SDK1: variants seen among roughly 807,000 people sequenced by gnomAD.
SDK1 encodes sidekick cell adhesion molecule 1.
In SDK1, 157 loss-of-function variants were observed where a neutral mutation model predicts 245.5. The observed-to-expected ratio is 0.64, with a 90% confidence interval of 0.56 to 0.73. The LOEUF is 0.73. Among genes scored for constraint, SDK1 ranks in the 30% least tolerant of loss-of-function variants. The probability of loss-of-function intolerance (pLI) is 0.00; values close to 1 mark genes in which losing one functional copy is unlikely to be tolerated. For synonymous variants in SDK1, 1,647 were observed against 1,278.5 expected (o/e 1.29, Z -6.15); for missense variants, 3,583 against 3,002.3 (o/e 1.19, Z -4.52).
At chr7:3,853,721 T>G (rs1236965790) in intron 5 of SDK1, among the ~76,000 whole-genome samples, 1 of 152,110 alleles carries the variant, frequency 6.6e-6, no homozygotes, top group East Asian at 1.9e-4. Flanking sequence ...TCTGGCACAG[T>G]GGCTCAGGTC....
intron 1 of SDK1, among the ~76,000 whole-genome samples, chr7:3,463,400 G>A (rs1311786373): frequency 1.3e-5 from 2 of 152,126 alleles, no homozygotes; most frequent in East Asian, 3.8e-4. Context: ...TGAGTTTTGA[G>A]CCCTGCACTT....
Position 4,206,045 on chromosome 7 carries a change from G to A in SDK1, c.5214+51G>A, listed in dbSNP as rs375199711. 1.1e-3 allele frequency: 1,381 copies of A among 1,210,404 alleles called. 4 individuals carry two copies. The highest frequency in any genetic ancestry group is 1.2e-3 in the Non-Finnish European group (1,073 of 863,890). 75.0% of individuals were successfully genotyped at this position (1,210,404 alleles called of 1,614,324 possible). On this transcript the variant is annotated intron_variant, in intron 36 of 44. Coordinates refer to ENST00000404826, the MANE Select transcript of SDK1 (RefSeq NM_152744.4). Reference sequence around the variant, plus strand: ...CCCCTGGCTCGCTTGGGCACCCCTCGTTCACGTGGTCCTGCCTACTGCATT... The same window carrying A: ...CCCCTGGCTCGCTTGGGCACCCCTCATTCACGTGGTCCTGCCTACTGCATT...
At chr7:3,507,722 C>T (rs1392789521) in intron 1 of SDK1, among the ~76,000 whole-genome samples, 1 of 152,188 alleles carries the variant, frequency 6.6e-6, no homozygotes, top group Non-Finnish European at 1.5e-5. Flanking sequence ...CTCTCCCTTT[C>T]TCCTGCATGG....
At position 3,691,376 on chromosome 7, in the gene SDK1, C is replaced by A. The variant is rs940000327; in HGVS notation, c.713+49271C>A. The stretch of plus-strand genomic sequence containing the variant: ...GCTTAATTTTGGATCACAGTGGACC[C>A]CTCCCTCCACTTCAGCTGTGGAAAT... On this transcript the variant is annotated intron_variant, in intron 4 of 44. Transcript: ENST00000404826. 2.2e-4 allele frequency among the ~76,000 whole-genome samples: 33 copies of A among 152,212 alleles called. 1 individual carries two copies. Among genetic ancestry groups the A allele is most frequent in the Non-Finnish European group, 3.5e-4 (24 of 68,008 alleles).
At chr7:3,921,228 A>G (rs1322077070) in intron 5 of SDK1, among the ~76,000 whole-genome samples, 1 of 152,214 alleles carries the variant, frequency 6.6e-6, no homozygotes, top group Non-Finnish European at 1.5e-5. Flanking sequence ...GCAAAATGAG[A>G]TCATACAGCA....
intron 4 of SDK1, among the ~76,000 whole-genome samples, chr7:3,796,066 T>G (rs1778954162): frequency 6.6e-6 from 1 of 152,238 alleles, no homozygotes; most frequent in African/African-American, 2.4e-5. Flanking sequence ...TGTGTAGTCT[T>G]TCTCTTTCTT....
chr7:4,252,033 C>A (rs1438379033), intron 44 of SDK1, among the ~76,000 whole-genome samples: 2 of 152,112 alleles, frequency 1.3e-5, no homozygotes, highest in East Asian at 3.8e-4. Context: ...CAATAAATGC[C>A]CATTGTTCAT....
Position 4,194,273 on chromosome 7 carries a change from T to C in SDK1, c.5099-11606T>C, listed in dbSNP as rs577577197. ...ATATGTATGCACGTATGTGTATACA[T>C]GTATAGATATATGTATGCACGTATG... On this transcript the variant is annotated intron_variant, in intron 35 of 44. Coordinates refer to ENST00000404826, the MANE Select transcript of SDK1 (RefSeq NM_152744.4). Among the ~76,000 whole-genome samples, 80 of 150,026 alleles carry C rather than the reference T, an allele frequency of 5.3e-4. 1 individual carries two copies. The highest frequency in any genetic ancestry group is 1.9e-3 in the East Asian group (10 of 5,152).
intron 17 of SDK1, among the ~76,000 whole-genome samples, chr7:4,018,172 C>T (rs949217499): frequency 3.3e-5 from 5 of 152,196 alleles, no homozygotes; most frequent in African/African-American, 1.2e-4. Flanking sequence ...AATCCTTTTT[C>T]ACTCTGCGAT....
At chr7:3,718,448 G>A (rs1014555172) in intron 4 of SDK1, among the ~76,000 whole-genome samples, 13 of 151,628 alleles carry the variant, frequency 8.6e-5, no homozygotes, top group South Asian at 2.1e-4. Context: ...GTTGAGGCCC[G>A]GAGGTTGAGG....
chr7:4,151,639 C>CG (rs1780390046), intron 30 of SDK1, among the ~76,000 whole-genome samples: 1 of 152,188 alleles, frequency 6.6e-6, no homozygotes, highest in Non-Finnish European at 1.5e-5. Flanking sequence ...CCGCCATCCT[C>CG]GTCGCCATCA....
At position 4,145,825 on chromosome 7, in the gene SDK1, G is replaced by A. The variant is rs147404205; in HGVS notation, c.4332G>A (p.Pro1444=). The A allele has an allele frequency of 6.0e-3, 9,618 of 1,613,800 alleles. 30 individuals carry two copies. Among genetic ancestry groups the A allele is most frequent in the Non-Finnish European group, 7.2e-3 (8,534 of 1,179,906 alleles). The change falls in exon 29 of 45, where the codon CCG becomes CCA. Residue 1444 remains proline (P), a synonymous_variant. Coordinates refer to ENST00000404826, the MANE Select transcript of SDK1 (RefSeq NM_152744.4). ...VRQFTATDLA[P]ESAYIFRLSA... is the part of the protein sequence containing the mutation. ...AGTTCACAGCCACCGACCTGGCCCC[G>A]GAGTCCGCATACATCTTCAGGCTGT...
chr7:3,353,813 AAGC>A (rs34299695), intron 1 of SDK1, among the ~76,000 whole-genome samples: 35,603 of 151,868 alleles, frequency 0.23, 4,596 homozygotes, highest in East Asian at 0.37. Flanking sequence ...TCACTAGAAA[AAGC>A]AGCCTCCCAT....
intron 1 of SDK1, among the ~76,000 whole-genome samples, chr7:3,353,700 T>A (rs905112132): frequency 3.7e-4 from 57 of 152,312 alleles, no homozygotes; most frequent in African/African-American, 1.3e-3. Flanking sequence ...TAGAAACTAT[T>A]GATGACTCGA....
intron 1 of SDK1, among the ~76,000 whole-genome samples, chr7:3,564,443 T>C (rs1394226824): frequency 6.6e-6 from 1 of 151,946 alleles, no homozygotes; most frequent in Non-Finnish European, 1.5e-5. Context: ...GAGCCGAGAT[T>C]GCGCAACTAC....
chr7:3,521,609 C>A (rs1212371501), intron 1 of SDK1, among the ~76,000 whole-genome samples: 1 of 152,020 alleles, frequency 6.6e-6, no homozygotes, highest in African/African-American at 2.4e-5. Context: ...TAGCAAAGGC[C>A]TTATAGAGGA....
chr7:3,349,343 C>G (rs992225260), intron 1 of SDK1, among the ~76,000 whole-genome samples: 1 of 151,222 alleles, frequency 6.6e-6, no homozygotes, highest in Non-Finnish European at 1.5e-5. Flanking sequence ...GAACGTCATT[C>G]TTGGAGTTAC....
intron 1 of SDK1, among the ~76,000 whole-genome samples, chr7:3,328,660 T>C (rs1779993120): frequency 6.6e-6 from 1 of 152,110 alleles, no homozygotes; most frequent in South Asian, 2.1e-4. Context: ...TGTTAGTATA[T>C]ATTTCAAAAA....
chr7:3,427,949 T>C (rs778778380), intron 1 of SDK1, among the ~76,000 whole-genome samples: 3 of 152,118 alleles, frequency 2.0e-5, no homozygotes, highest in Non-Finnish European at 4.4e-5. Context: ...ATTTCTTCTC[T>C]AAACGTCGTT....
Sources: gnomAD v4.1 joint callset for allele counts (sites outside exome capture counted in the v4.1 genomes callset) on GRCh38, gnomAD v4.1.1 for gene constraint, MANE v1.5 for transcripts, NCBI Gene and HGNC (gene_info 2026-07-23, HGNC 2026-07-21) for gene names.